SEPTIN11: variants seen among roughly 807,000 people sequenced by gnomAD.
SEPTIN11 encodes the protein septin 11.
A neutral mutation model predicts 51.4 loss-of-function variants in SEPTIN11; 25 were observed. That is an observed-to-expected ratio of 0.49 (90% CI 0.35 to 0.68). The LOEUF (loss-of-function observed/expected upper bound fraction) is 0.68. Among genes scored for constraint, SEPTIN11 ranks in the 30% least tolerant of loss-of-function variants. The pLI, the probability that SEPTIN11 is intolerant of heterozygous loss-of-function variation, is 0.00. For missense variants in SEPTIN11, 381 were observed against 520.8 expected (o/e 0.73, Z 2.61); for synonymous variants, 174 against 184.1 (o/e 0.95, Z 0.44).
chr4:77,023,678 A>G (rs886238320), intron 7 of SEPTIN11, among the ~76,000 whole-genome samples: 2 of 152,108 alleles, frequency 1.3e-5, no homozygotes, highest in Non-Finnish European at 2.9e-5. Flanking sequence ...TTTCTTGGAA[A>G]CCACTACTTT....
chr4:77,009,728 G>A (rs1025840613), intron 3 of SEPTIN11: 1 of 152,214 alleles, frequency 6.6e-6, no homozygotes, highest in Non-Finnish European at 1.5e-5. Flanking sequence ...GAGAGGAGGA[G>A]GTGCTAAAAG....
At chr4:76,969,916 G>A (rs1445144557) in intron 1 of SEPTIN11, among the ~76,000 whole-genome samples, 3 of 151,972 alleles carry the variant, frequency 2.0e-5, no homozygotes, top group Non-Finnish European at 4.4e-5. Context: ...CCTTTTCTTG[G>A]GGTTTCCAAA....
At position 77,001,503 on chromosome 4, in the gene SEPTIN11, C is replaced by T. The variant is rs569276483; in HGVS notation, c.143-4098C>T. On this transcript the variant is annotated intron_variant, in intron 2 of 9. Coordinates refer to ENST00000264893, the MANE Select transcript of SEPTIN11 (RefSeq NM_018243.4). ...TAGCTGGGATTACAGGTGCCCACCA[C>T]CACACCTGGCTAATTTTTGTATTTT... Among the ~76,000 whole-genome samples the T allele has an allele frequency of 4.4e-4, 67 of 152,220 alleles. 1 individual carries two copies. Among genetic ancestry groups the T allele is most frequent in the African/African-American group, 1.6e-3 (66 of 41,546 alleles).
At chr4:76,992,524 G>A (rs562754100) in intron 1 of SEPTIN11, among the ~76,000 whole-genome samples, 3 of 152,236 alleles carry the variant, frequency 2.0e-5, no homozygotes, top group African/African-American at 7.2e-5. Flanking sequence ...ACTAAACGGT[G>A]CCTCTGTTTT....
At chr4:77,016,591 TAC>T (rs1160874810) in intron 5 of SEPTIN11, among the ~76,000 whole-genome samples, 7 of 122,772 alleles carry the variant, frequency 5.7e-5, no homozygotes, top group African/African-American at 1.2e-4. Flanking sequence ...AGCATATATA[TAC>T]ACACACATAT....
intron 1 of SEPTIN11, among the ~76,000 whole-genome samples, chr4:76,964,634 G>A (rs1456285739): frequency 6.6e-6 from 1 of 152,174 alleles, no homozygotes; most frequent in Non-Finnish European, 1.5e-5. Flanking sequence ...ATTCAGATAC[G>A]TGATACTCTG....
At position 76,984,538 on chromosome 4, in the gene SEPTIN11, T is replaced by A. The variant is rs1007435614; in HGVS notation, c.28-11887T>A. On this transcript the variant is annotated intron_variant, in intron 1 of 9. Coordinates refer to ENST00000264893, the MANE Select transcript of SEPTIN11 (RefSeq NM_018243.4). This position sits in a 1 kb window ranked among gnomAD's most constrained non-coding sequence, Gnocchi z 4.1. ...AATGCATTCAGTGAATAGAAATAGA[T>A]GAACTGAGCCACAATATTTCTCAAA... is the stretch of plus-strand genomic sequence containing the variant. 6.6e-6 allele frequency among the ~76,000 whole-genome samples: 1 copy of A among 152,204 alleles called. No homozygotes were observed. The highest frequency in any genetic ancestry group is 1.5e-5 in the Non-Finnish European group (1 of 68,036).
intron 3 of SEPTIN11, among the ~76,000 whole-genome samples, chr4:77,006,067 A>G (rs1006089133): frequency 6.6e-6 from 1 of 152,158 alleles, no homozygotes; most frequent in African/African-American, 2.4e-5. Context: ...ATCTTTCCAC[A>G]AAGGCCATGA....
intron 1 of SEPTIN11, among the ~76,000 whole-genome samples, chr4:76,983,089 C>T (rs1031358643): frequency 2.6e-5 from 4 of 152,158 alleles, no homozygotes; most frequent in Non-Finnish European, 5.9e-5. Flanking sequence ...TCCCAGCCCC[C>T]TGGTGTACAC....
rs561138896 is a variant in SEPTIN11 at position 77,038,361 on chromosome 4, G to A, written c.*3849G>A. ...AACCAATGTGTTTTCTAAAACTGTCGTGTAATCTACTTTCATTGTTAATGC... is the reference window on the plus strand; with the variant it reads ...AACCAATGTGTTTTCTAAAACTGTCATGTAATCTACTTTCATTGTTAATGC... On this transcript the variant is annotated 3_prime_UTR_variant, in exon 10 of 10. Transcript: ENST00000264893. 41 of 985,608 alleles carry A rather than the reference G, an allele frequency of 4.2e-5. No individual in the cohort carries two copies. Among genetic ancestry groups the A allele is most frequent in the East Asian group, 3.4e-4 (3 of 8,822 alleles). 61.1% of individuals were successfully genotyped at this position (985,608 alleles called of 1,614,324 possible).
chr4:77,018,448 C>CAA (rs35058632), intron 5 of SEPTIN11, among the ~76,000 whole-genome samples: 7 of 131,760 alleles, frequency 5.3e-5, no homozygotes, highest in Admixed American at 1.6e-4. Flanking sequence ...GACTCCATCT[C>CAA]AAAAAAAAAA....
At position 77,014,937 on chromosome 4, in the gene SEPTIN11, G is replaced by C; in HGVS notation, c.607G>C (p.Glu203Gln). 6.2e-7 allele frequency: 1 copy of C among 1,614,128 alleles called. No homozygotes were observed. Among genetic ancestry groups the C allele is most frequent in the Non-Finnish European group, 8.5e-7 (1 of 1,179,992 alleles). Residue 203 changes from glutamate (E) to glutamine (Q), a missense_variant, in exon 5 of 10, where the codon GAA (glutamate) becomes CAA (glutamine). By Grantham distance (29) the Glu-to-Gln change is conservative. Transcript: ENST00000264893. The part of the protein sequence containing the change: ...LHKFKSKIMS[E>Q]LVSNGVQIYQ... The stretch of plus-strand genomic sequence containing the variant: ...CAAATTCAAGAGTAAGATCATGAGT[G>C]AACTGGTCAGCAATGGGGTCCAGAT...
At chr4:76,951,454 T>C (rs1041596433) in intron 1 of SEPTIN11, among the ~76,000 whole-genome samples, 9 of 152,362 alleles carry the variant, frequency 5.9e-5, no homozygotes, top group African/African-American at 2.2e-4. Flanking sequence ...TGAGGGAATT[T>C]GCATAGTCTC....
Position 77,020,596 on chromosome 4 carries a change from C to T in SEPTIN11, c.879C>T (p.His293=), listed in dbSNP as rs372074320. 4.3e-6 allele frequency: 7 copies of T among 1,613,996 alleles called. No individual in the cohort carries two copies. In the African/African-American group the frequency reaches 9.3e-5, roughly 22 times the overall value. ...EDLREQTHTR[H]YELYRRCKLE... ...TGCGAGAGCAGACTCACACCCGCCA[C>T]TATGAATTGTACCGACGCTGTAAGC... Residue 293 remains histidine, a synonymous_variant, in exon 7 of 10, where the codon CAC becomes CAT. Transcript: ENST00000264893.
chr4:76,995,509 G>T (rs1723647351), intron 1 of SEPTIN11, among the ~76,000 whole-genome samples: 1 of 152,114 alleles, frequency 6.6e-6, no homozygotes, highest in South Asian at 2.1e-4. Context: ...AGAACACTAG[G>T]AGTCCTGTCT....
intron 5 of SEPTIN11, among the ~76,000 whole-genome samples, chr4:77,017,884 C>T (rs1725411082): frequency 6.6e-6 from 1 of 152,034 alleles, no homozygotes; most frequent in Admixed American, 6.5e-5. Flanking sequence ...TCTTGGACAC[C>T]ATCTCTACTT....
intron 8 of SEPTIN11, 97 bp downstream of exon 8, chr4:77,028,858 T>G (rs1726384194): frequency 7.7e-7 from 1 of 1,300,520 alleles, no homozygotes; most frequent in African/African-American, 1.5e-5. Context: ...CCAAGTACTT[T>G]CTACATGCAT....
chr4:77,025,586 T>C (rs1726066526), intron 7 of SEPTIN11, among the ~76,000 whole-genome samples: 1 of 152,052 alleles, frequency 6.6e-6, no homozygotes, highest in Admixed American at 6.6e-5. Flanking sequence ...ATATCTTTAC[T>C]GAATATGAGC....
In SEPTIN11 at chr4:77,003,263, A is replaced by G. The variant is rs114363118; in HGVS notation, c.143-2338A>G. Among the ~76,000 whole-genome samples, 1,136 of 152,308 alleles carry G rather than the reference A, an allele frequency of 7.5e-3. 10 individuals are homozygous for G. Among genetic ancestry groups the G allele is most frequent in the African/African-American group, 0.026 (1,072 of 41,564 alleles). On this transcript the variant is annotated intron_variant, in intron 2 of 9. Coordinates refer to ENST00000264893, the MANE Select transcript of SEPTIN11 (RefSeq NM_018243.4). ...TTCTGTTGTTGCCTTGAGGTCAGGG[A>G]CCTAGCCATGGTCTGGTTGTCTGTG...
Sources: allele counts gnomAD v4.1 joint callset (sites outside exome capture counted in the v4.1 genomes callset), GRCh38; gene constraint gnomAD v4.1.1; non-coding constraint Gnocchi (gnomAD v3.1); transcripts MANE v1.5; gene names NCBI Gene and HGNC (gene_info 2026-07-23, HGNC 2026-07-21).